The following SLIT3 variants were observed in gnomAD, a reference collection of about 807,000 sequenced individuals.
The protein encoded by SLIT3 is slit guidance ligand 3.
SLIT3 carries 68 observed loss-of-function variants against 184.0 expected under a neutral mutation model. The ratio of observed to expected loss-of-function variants is 0.37; its 90% CI spans 0.30 to 0.45. The LOEUF is 0.45. Ranked by LOEUF, SLIT3 falls within the 20% of genes least tolerant of loss-of-function variation. The pLI is 1.00. For synonymous variants in SLIT3, 831 were observed against 828.6 expected, an observed-to-expected ratio of 1.00 and a Z score of -0.05; for missense variants, 1,707 against 2,026.0, an observed-to-expected ratio of 0.84 and a Z score of 3.02.
chr5:168,844,747 C>G (rs1758397303), intron 5 of SLIT3, 92 bp from the exon 6 acceptor site: 14 of 1,148,546 alleles, frequency 1.2e-5, no homozygotes, highest in South Asian at 1.3e-5. Context: ...CCCTCCACCC[C>G]CTTGCAGGCG....
chr5:169,116,229 C>T (rs1255362437), intron 4 of SLIT3, among the ~76,000 whole-genome samples: 5 of 152,108 alleles, frequency 3.3e-5, no homozygotes, highest in Non-Finnish European at 1.5e-5. Context: ...ATCATTACTG[C>T]AGGGCAGTCC....
chr5:168,947,445 G>A (rs1006887939), intron 4 of SLIT3, among the ~76,000 whole-genome samples: 1 of 152,170 alleles, frequency 6.6e-6, no homozygotes, highest in Admixed American at 6.5e-5. Context: ...GCTCTCTTTG[G>A]CCAGGAGGTG....
At chr5:169,026,414 C>T (rs1756825751) in intron 4 of SLIT3, 1 of 152,194 alleles carries the variant, frequency 6.6e-6, no homozygotes, top group African/African-American at 2.4e-5. Context: ...TCAGGAATGT[C>T]TGCTCCATCT....
intron 12 of SLIT3, among the ~76,000 whole-genome samples, chr5:168,779,628 G>A (rs1755897424): frequency 6.6e-6 from 1 of 152,186 alleles, no homozygotes; most frequent in South Asian, 2.1e-4. Context: ...GGGAGCTGTG[G>A]CCTTCAGGAA....
chr5:169,034,003 G>T (rs183630385), intron 4 of SLIT3, among the ~76,000 whole-genome samples: 1 of 151,794 alleles, frequency 6.6e-6, no homozygotes, highest in Non-Finnish European at 1.5e-5. Flanking sequence ...TAGTAGAGAC[G>T]GGTTTTCACC....
intron 4 of SLIT3, among the ~76,000 whole-genome samples, chr5:169,019,028 C>A (rs894082699): frequency 1.1e-4 from 17 of 152,196 alleles, no homozygotes; most frequent in African/African-American, 4.1e-4. Context: ...CTCCCCCACT[C>A]TGGGTTGCTG....
chr5:168,887,780 G>A (rs777915072), intron 4 of SLIT3, among the ~76,000 whole-genome samples: 9 of 152,138 alleles, frequency 5.9e-5, no homozygotes, highest in Non-Finnish European at 1.0e-4. Flanking sequence ...CTAGAACACC[G>A]TAGGCACTCA....
intron 4 of SLIT3, among the ~76,000 whole-genome samples, chr5:168,892,913 T>C (rs1459573715): frequency 2.0e-5 from 3 of 152,196 alleles, no homozygotes; most frequent in Non-Finnish European, 4.4e-5. Flanking sequence ...GGAGCTCTCA[T>C]TATCAGCCCA....
Position 169,244,783 on chromosome 5 carries a change from C to T in SLIT3, c.270-7G>A, listed in dbSNP as rs1426303251. On this transcript the variant is annotated splice_polypyrimidine_tract_variant and splice_region_variant and intron_variant, in intron 2 of 35. Transcript: ENST00000519560. ...CTGGTTGTCTTCCAGATGCCTACAA[C>T]CACAGAGACAGCAATGACTAAGGAC... is the stretch of plus-strand genomic sequence containing the variant. 2 of 1,613,314 alleles carry T rather than the reference C, an allele frequency of 1.2e-6. No homozygotes were observed. The highest frequency in any genetic ancestry group is 2.2e-5 in the South Asian group (2 of 91,066).
chr5:169,053,590 A>G (rs759206740), intron 4 of SLIT3, among the ~76,000 whole-genome samples: 2 of 152,210 alleles, frequency 1.3e-5, no homozygotes, highest in Admixed American at 6.5e-5. Context: ...GCACAAACCG[A>G]AAATCTGGGA....
At chr5:169,296,982 C>T (rs1767521916) in intron 1 of SLIT3, among the ~76,000 whole-genome samples, 1 of 152,322 alleles carries the variant, frequency 6.6e-6, no homozygotes, top group African/African-American at 2.4e-5. Context: ...TCATTTTCAT[C>T]TGCCTCCTCT....
At chr5:168,771,300 C>T (rs868103) in intron 14 of SLIT3, among the ~76,000 whole-genome samples, 33,690 of 151,936 alleles carry the variant, frequency 0.22, 4,097 homozygotes, top group African/African-American at 0.31. Context: ...GTTCAGGGAG[C>T]GGGTAGGGGT....
At chr5:168,876,808 G>A (rs1468916682) in intron 5 of SLIT3, among the ~76,000 whole-genome samples, 1 of 152,152 alleles carries the variant, frequency 6.6e-6, no homozygotes, top group Non-Finnish European at 1.5e-5. Context: ...TCATTAGACT[G>A]TGAGTTCTTC....
intron 4 of SLIT3, among the ~76,000 whole-genome samples, chr5:169,130,609 A>G (rs1761259660): frequency 6.6e-6 from 1 of 152,246 alleles, no homozygotes; most frequent in Non-Finnish European, 1.5e-5. Context: ...AACAGTGCCT[A>G]GCCCAAAGTA....
intron 4 of SLIT3, among the ~76,000 whole-genome samples, chr5:169,045,848 G>A (rs1404968389): frequency 6.6e-6 from 1 of 152,086 alleles, no homozygotes; most frequent in African/African-American, 2.4e-5. Flanking sequence ...GAGTCAGATT[G>A]TTAAGTTTGT....
intron 4 of SLIT3, among the ~76,000 whole-genome samples, chr5:169,031,286 T>C (rs542243968): frequency 9.7e-4 from 147 of 152,316 alleles, no homozygotes; most frequent in African/African-American, 3.4e-3. Context: ...CAAATATTTG[T>C]TGAGTTACTA....
At chr5:169,281,182 T>C (rs886444651) in intron 1 of SLIT3, among the ~76,000 whole-genome samples, 4 of 152,168 alleles carry the variant, frequency 2.6e-5, no homozygotes, top group African/African-American at 9.7e-5. Flanking sequence ...ATTCCCCTAA[T>C]CTTATTATAA....
intron 1 of SLIT3, among the ~76,000 whole-genome samples, chr5:169,254,054 C>T (rs760603144): frequency 5.3e-5 from 8 of 152,190 alleles, no homozygotes; most frequent in Non-Finnish European, 8.8e-5. Flanking sequence ...CCAGGGAGCA[C>T]GTGGGCTTTG....
intron 1 of SLIT3, among the ~76,000 whole-genome samples, chr5:169,279,162 A>T (rs936731307): frequency 6.6e-6 from 1 of 152,202 alleles, no homozygotes; most frequent in Non-Finnish European, 1.5e-5. Flanking sequence ...ATAAAAATAC[A>T]GCTTCTGGGC....
Sources: gnomAD v4.1 joint callset for allele counts (sites outside exome capture counted in the v4.1 genomes callset) on GRCh38, gnomAD v4.1.1 for gene constraint, MANE v1.5 for transcripts, NCBI Gene and HGNC (gene_info 2026-07-23, HGNC 2026-07-21) for gene names.